PTPRD: variants seen among roughly 807,000 people sequenced by gnomAD.
The protein encoded by PTPRD is protein tyrosine phosphatase receptor type D, also known as receptor-type tyrosine-protein phosphatase delta.
In PTPRD, 34 loss-of-function variants were observed where a neutral mutation model predicts 214.5. The ratio of observed to expected loss-of-function variants is 0.16; its 90% confidence interval spans 0.12 to 0.21. The LOEUF (loss-of-function observed/expected upper bound fraction) is 0.21. Among genes scored for constraint, PTPRD ranks in the 10% least tolerant of loss-of-function variants. PTPRD has a pLI of 1.00. For missense variants in PTPRD, 2,545 were observed against 2,398.7 expected (o/e 1.06, Z -1.27); for synonymous variants, 1,128 against 845.7 (o/e 1.33, Z -5.79).
chr9:8,571,272 T>C (rs139386174), intron 14 of PTPRD, among the ~76,000 whole-genome samples: 91 of 152,190 alleles, frequency 6.0e-4, no homozygotes, highest in African/African-American at 2.0e-3. Context: ...GAGTTTAGGG[T>C]CTCCCTTAAG....
chr9:10,569,107 G>A (rs1012827408), intron 2 of PTPRD, among the ~76,000 whole-genome samples: 11 of 152,096 alleles, frequency 7.2e-5, no homozygotes, highest in Non-Finnish European at 1.2e-4. Flanking sequence ...AAAAATGGGC[G>A]AAGGATATGA....
Position 8,733,869 on chromosome 9 carries a change from G to A in PTPRD, c.-26C>T, listed in dbSNP as rs192265997. ...CCTGCAGCTTGGCAGCAGCGTGCGC[G>A]AGCAGCTTGGAATCACTGCCTCCGG... On this transcript the variant is annotated 5_prime_UTR_variant, in exon 12 of 46. Transcript: ENST00000381196. The A allele has an allele frequency of 1.1e-3, 1,679 of 1,548,932 alleles. 4 individuals are homozygous for A. Among genetic ancestry groups the A allele is most frequent in the African/African-American group, 7.8e-3 (567 of 73,118 alleles).
chr9:9,641,534 A>T (rs2095953824), intron 7 of PTPRD, among the ~76,000 whole-genome samples: 1 of 152,176 alleles, frequency 6.6e-6, no homozygotes, highest in African/African-American at 2.4e-5. Flanking sequence ...GATCTCACTG[A>T]CACAGACCTC....
chr9:10,260,088 A>T (rs1365082512), intron 3 of PTPRD, among the ~76,000 whole-genome samples: 4 of 152,210 alleles, frequency 2.6e-5, no homozygotes, highest in African/African-American at 9.6e-5. Flanking sequence ...AAACAATCTT[A>T]GGATATATTT....
intron 12 of PTPRD, among the ~76,000 whole-genome samples, chr9:8,721,600 T>C (rs2098499572): frequency 6.6e-6 from 1 of 152,204 alleles, no homozygotes; most frequent in Non-Finnish European, 1.5e-5. Context: ...ATGGCTAATG[T>C]TTATTTAGCA....
At chr9:9,303,679 A>G (rs1956219067) in intron 9 of PTPRD, among the ~76,000 whole-genome samples, 3 of 152,206 alleles carry the variant, frequency 2.0e-5, no homozygotes, top group East Asian at 1.9e-4. Flanking sequence ...TGAAAACACA[A>G]AAGTGGAAAT....
chr9:8,449,801 T>C lies in PTPRD; in HGVS notation c.3912A>G (p.Ile1304Met), dbSNP rs2133469377. ...RAESDSRKSSIPNNKEIPSHH... is the reference protein window; with the variant it reads ...RAESDSRKSSMPNNKEIPSHH... Reference sequence around the variant, plus strand: ...GTGAAGGGATCTCCTTATTGTTCGGTATGCTGCTTTTTCTAGAGTCGGACT... The same window carrying C: ...GTGAAGGGATCTCCTTATTGTTCGGCATGCTGCTTTTTCTAGAGTCGGACT... Residue 1304 changes from isoleucine (I) to methionine (M), a missense_variant, in exon 34 of 46, where the codon ATA becomes ATG. Coordinates refer to ENST00000381196, the MANE Select transcript of PTPRD (RefSeq NM_002839.4). The C allele has an allele frequency of 1.9e-6, 3 of 1,614,072 alleles. No individual in the cohort carries two copies. Among genetic ancestry groups the C allele is most frequent in the Non-Finnish European group, 2.5e-6 (3 of 1,179,948 alleles).
chr9:8,616,011 C>G (rs1052298134), intron 14 of PTPRD, among the ~76,000 whole-genome samples: 4 of 152,084 alleles, frequency 2.6e-5, no homozygotes, highest in African/African-American at 9.7e-5. Context: ...ATTATTCAGA[C>G]ATTTTCCCCA....
At chr9:8,993,070 C>T (rs1242609517) in intron 11 of PTPRD, among the ~76,000 whole-genome samples, 3 of 152,132 alleles carry the variant, frequency 2.0e-5, no homozygotes, top group Non-Finnish European at 4.4e-5. Context: ...AATAGTGTTA[C>T]ATAATCTTAT....
At chr9:8,551,887 C>T (rs1218287778) in intron 14 of PTPRD, among the ~76,000 whole-genome samples, 1 of 152,146 alleles carries the variant, frequency 6.6e-6, no homozygotes. Flanking sequence ...ATCCAGTCAT[C>T]CTGTTCCAAT....
At chr9:8,819,837 CAG>C (rs1431881345) in intron 11 of PTPRD, among the ~76,000 whole-genome samples, 4 of 152,124 alleles carry the variant, frequency 2.6e-5, no homozygotes, top group African/African-American at 9.7e-5. Flanking sequence ...GACATACAAT[CAG>C]AGAGCACAAA....
chr9:8,931,547 T>G (rs577857406), intron 11 of PTPRD, among the ~76,000 whole-genome samples: 45 of 152,322 alleles, frequency 3.0e-4, no homozygotes, highest in African/African-American at 1.1e-3. Context: ...ATAAATTACC[T>G]TGGGCAGTAT....
chr9:9,712,037 C>T (rs886071364), intron 7 of PTPRD, among the ~76,000 whole-genome samples: 6 of 151,766 alleles, frequency 4.0e-5, no homozygotes, highest in Non-Finnish European at 4.4e-5. Flanking sequence ...TGTGAGATCT[C>T]GCACCGACTT....
chr9:9,302,754 C>T (rs1955874332), intron 9 of PTPRD, among the ~76,000 whole-genome samples: 1 of 151,630 alleles, frequency 6.6e-6, no homozygotes, highest in Admixed American at 6.6e-5. Context: ...ATCCATAATT[C>T]CTCATAGCAG....
chr9:9,377,566 G>A (rs990649608), intron 9 of PTPRD, among the ~76,000 whole-genome samples: 1 of 152,002 alleles, frequency 6.6e-6, no homozygotes, highest in African/African-American at 2.4e-5. Flanking sequence ...GCTTTATTTG[G>A]ATATTTGTTT....
At chr9:8,564,409 G>C (rs1484542854) in intron 14 of PTPRD, among the ~76,000 whole-genome samples, 1 of 152,014 alleles carries the variant, frequency 6.6e-6, no homozygotes, top group Non-Finnish European at 1.5e-5. Flanking sequence ...AATAAAAGTT[G>C]ATATTCAGGC....
Position 8,314,255 on chromosome 9 carries a change from C to G in PTPRD, c.*3619G>C, listed in dbSNP as rs1208487802. On this transcript the variant is annotated 3_prime_UTR_variant, in exon 46 of 46. Coordinates refer to ENST00000381196, the MANE Select transcript of PTPRD (RefSeq NM_002839.4). Reference sequence around the variant, plus strand: ...AAGCAAAGGCCAGGGCTGCATAACACTGACATTTTTATTAGAATTCATTTG... The same window carrying G: ...AAGCAAAGGCCAGGGCTGCATAACAGTGACATTTTTATTAGAATTCATTTG... The G allele has an allele frequency of 4.8e-6, 1 of 209,856 alleles. No homozygotes were observed. Among genetic ancestry groups the G allele is most frequent in the South Asian group, 1.9e-4 (1 of 5,318 alleles). 13.0% of individuals were successfully genotyped at this position (209,856 alleles called of 1,614,324 possible). A position where few individuals can be genotyped will look rare whatever the true frequency, so the allele number is the denominator to read the frequency against.
chr9:8,610,126 C>T (rs1371074265), intron 14 of PTPRD, among the ~76,000 whole-genome samples: 1 of 150,500 alleles, frequency 6.6e-6, no homozygotes, highest in Non-Finnish European at 1.5e-5. Flanking sequence ...CATAGCAGCA[C>T]ACTTTTTGTT....
At chr9:9,808,295 G>C (rs1312910807) in intron 5 of PTPRD, among the ~76,000 whole-genome samples, 1 of 152,100 alleles carries the variant, frequency 6.6e-6, no homozygotes, top group Non-Finnish European at 1.5e-5. Flanking sequence ...TCAGATACAA[G>C]AACTTTTTAA....
Sources: gnomAD v4.1 joint callset for allele counts (sites outside exome capture counted in the v4.1 genomes callset) on GRCh38, gnomAD v4.1.1 for gene constraint, MANE v1.5 for transcripts, NCBI Gene and HGNC (gene_info 2026-07-23, HGNC 2026-07-21) for gene names.